The following COL19A1 variants were observed in gnomAD, a reference collection of about 807,000 sequenced individuals.
The protein encoded by COL19A1 is collagen type XIX alpha 1 chain, also known as collagen alpha-1(XIX) chain.
COL19A1 carries 159 observed loss-of-function variants against 190.2 expected under a neutral mutation model. The ratio of observed to expected loss-of-function variants is 0.84; its 90% CI spans 0.73 to 0.95. The LOEUF is 0.95. COL19A1 is among the 40% of genes least tolerant of loss of function. COL19A1 has a pLI of 0.00. For synonymous variants in COL19A1, 509 were observed against 458.9 expected (o/e 1.11, Z -1.39); for missense variants, 1,418 against 1,431.9 (o/e 0.99, Z 0.16).
intron 14 of COL19A1, 126 bp from the exon 15 acceptor site, chr6:70,068,297 G>A: frequency 4.2e-6 from 3 of 708,236 alleles, no homozygotes; most frequent in Admixed American, 2.1e-5. Flanking sequence ...GTTCAACCTT[G>A]AAAGAGCTCA....
Position 70,171,963 on chromosome 6 carries a change from G to C in COL19A1, c.2569-1G>C. On this transcript the variant is annotated splice_acceptor_variant, in intron 40 of 50. Coordinates refer to ENST00000620364, the MANE Select transcript of COL19A1 (RefSeq NM_001858.6). LOFTEE classifies it high-confidence loss of function. ...GCATTTCTTATGTTCATATTTAACA[G>C]GGAGAGCCTGGTGCAATGGGGTTGC... 6.2e-7 allele frequency: 1 copy of C among 1,612,720 alleles called. No homozygotes were observed. The highest frequency in any genetic ancestry group is 8.5e-7 in the Non-Finnish European group (1 of 1,179,390).
Position 70,035,949 on chromosome 6 carries a change from CTTGAAATCAAAATTCAAAA to C in COL19A1, c.1170+19_1170+37del. On this transcript the variant is annotated intron_variant, in intron 14 of 50. Coordinates refer to ENST00000620364, the MANE Select transcript of COL19A1 (RefSeq NM_001858.6). ...ACCACCAGCCTTACCTGTAAGTATT[CTTGAAATCAAAATTCAAAA>C]TTGAAATCCATTATTCTGTTTATTA... The C allele has an allele frequency of 6.2e-7, 1 of 1,612,270 alleles. No individual in the cohort carries two copies. The highest frequency in any genetic ancestry group is 8.5e-7 in the Non-Finnish European group (1 of 1,178,458).
chr6:70,141,630 G>A (rs1786255170), intron 20 of COL19A1, among the ~76,000 whole-genome samples: 1 of 152,064 alleles, frequency 6.6e-6, no homozygotes, highest in Admixed American at 6.6e-5. Context: ...AGAATGCAGT[G>A]ATTGCTAATG....
chr6:69,985,308 C>T (rs1776253624), intron 11 of COL19A1, among the ~76,000 whole-genome samples: 1 of 152,158 alleles, frequency 6.6e-6, no homozygotes, highest in African/African-American at 2.4e-5. Flanking sequence ...TTGAAAATGA[C>T]TAATGCCAAA....
chr6:70,144,212 A>G lies in COL19A1; in HGVS notation c.1629A>G (p.Gly543=). The G allele has an allele frequency of 6.2e-7, 1 of 1,612,124 alleles. No homozygotes were observed. The highest frequency in any genetic ancestry group is 1.1e-5 in the South Asian group (1 of 90,994). ...CCTATTAACTCTGAGTTTTCTAGGG[A>G]TTGCCAGGAGAACATGGTATCCCAG... The part of the protein sequence containing the change: ...MGPRGPPGDV[G]LPGEHGIPGK... Residue 543 remains glycine, a splice_region_variant and synonymous_variant, in exon 24 of 51, where the codon GGA becomes GGG. Coordinates refer to ENST00000620364, the MANE Select transcript of COL19A1 (RefSeq NM_001858.6).
chr6:70,036,731 G>C (rs1381017519), intron 14 of COL19A1, among the ~76,000 whole-genome samples: 2 of 152,032 alleles, frequency 1.3e-5, no homozygotes, highest in Non-Finnish European at 2.9e-5. Flanking sequence ...ATGTTACCTA[G>C]TGAGATAAAT....
intron 11 of COL19A1, among the ~76,000 whole-genome samples, chr6:70,007,050 C>T (rs78686701): frequency 0.11 from 16,048 of 152,040 alleles, 994 homozygotes; most frequent in East Asian, 0.29. Flanking sequence ...ATAGAAATAA[C>T]TAAATAACAA....
chr6:70,140,988 G>T lies in COL19A1; in HGVS notation c.1481G>T (p.Arg494Ile), dbSNP rs1468602608. 1 of 1,608,630 alleles carries T rather than the reference G, an allele frequency of 6.2e-7. No individual in the cohort carries two copies. Among genetic ancestry groups the T allele is most frequent in the Non-Finnish European group, 8.5e-7 (1 of 1,176,288 alleles). Reference sequence around the variant, plus strand: ...TTTACAAAAGGAGAAAAAGGAGATAGAGTAAGTAGATATTTTATCACTACC... The same window carrying T: ...TTTACAAAAGGAGAAAAAGGAGATATAGTAAGTAGATATTTTATCACTACC... ...EPFTKGEKGD[R>I]GEPGVIGSQG... is the part of the protein sequence containing the mutation. The change falls in exon 20 of 51, where the codon AGA (arginine) becomes ATA (isoleucine). Residue 494 changes from arginine to isoleucine, a missense_variant and splice_region_variant. Arg to Ile is a moderately conservative substitution (Grantham distance 97, BLOSUM62 -3). Coordinates refer to ENST00000620364, the MANE Select transcript of COL19A1 (RefSeq NM_001858.6).
intron 27 of COL19A1, among the ~76,000 whole-genome samples, chr6:70,149,311 T>A (rs1199164523): frequency 6.6e-6 from 1 of 152,154 alleles, no homozygotes; most frequent in Non-Finnish European, 1.5e-5. Context: ...GAACACTGTT[T>A]CTGGTGATTT....
chr6:69,940,916 C>A (rs1773426803), intron 9 of COL19A1, among the ~76,000 whole-genome samples: 1 of 152,138 alleles, frequency 6.6e-6, no homozygotes, highest in African/African-American at 2.4e-5. Context: ...TGTGATCTTG[C>A]AACTTTAATG....
intron 2 of COL19A1, among the ~76,000 whole-genome samples, chr6:69,895,839 T>C (rs1769693479): frequency 6.6e-6 from 1 of 152,238 alleles, no homozygotes; most frequent in Non-Finnish European, 1.5e-5. Context: ...TTTTTCATTG[T>C]ATATGCCACA....
intron 9 of COL19A1, among the ~76,000 whole-genome samples, chr6:69,939,154 G>T (rs576592189): frequency 6.6e-6 from 1 of 152,102 alleles, no homozygotes; most frequent in Admixed American, 6.6e-5. Context: ...AAAGATTTTT[G>T]AGGAGGGACA....
Position 70,156,529 on chromosome 6 carries a change from T to C in COL19A1, c.2239-141T>C, listed in dbSNP as rs3736843. On this transcript the variant is annotated intron_variant, in intron 33 of 50. Transcript: ENST00000620364. ...AGAGAGAGAGAAAGTGATGTAAAAG[T>C]CACTTGCAAATGTTGCCATTTATTT... 489,236 of 1,030,210 alleles carry C rather than the reference T, an allele frequency of 0.47. 120,829 individuals carry two copies. Among genetic ancestry groups the C allele is most frequent in the African/African-American group, 0.73 (44,917 of 61,362 alleles). The allele number at this position is 1,030,210 out of a possible 1,614,324, so 63.8% of individuals were successfully genotyped here.
chr6:69,870,974 A>G (rs1275558735), intron 1 of COL19A1, among the ~76,000 whole-genome samples: 5 of 152,212 alleles, frequency 3.3e-5, no homozygotes, highest in Non-Finnish European at 7.3e-5. Context: ...GAGTTCCTAA[A>G]TTAATGATGA....
intron 11 of COL19A1, among the ~76,000 whole-genome samples, chr6:69,978,581 CA>C (rs1434525874): frequency 6.6e-6 from 1 of 151,552 alleles, no homozygotes; most frequent in Non-Finnish European, 1.5e-5. Context: ...TGGACCATAT[CA>C]AAAGCTATAA....
chr6:70,146,749 A>C, intron 26 of COL19A1, 46 bp downstream of exon 26: 1 of 1,594,076 alleles, frequency 6.3e-7, no homozygotes, highest in Non-Finnish European at 8.5e-7. Context: ...ATAATTAACA[A>C]AATACAGCAG....
chr6:70,161,468 CTT>C (rs1787798537), intron 34 of COL19A1, among the ~76,000 whole-genome samples: 1 of 152,148 alleles, frequency 6.6e-6, no homozygotes, highest in South Asian at 2.1e-4. Flanking sequence ...CCTTCTTACT[CTT>C]TAAAACTGAG....
chr6:69,920,730 T>C (rs1422097318), intron 4 of COL19A1, among the ~76,000 whole-genome samples: 3 of 151,534 alleles, frequency 2.0e-5, no homozygotes, highest in East Asian at 3.9e-4. Flanking sequence ...AAGTAGACAA[T>C]TTAAAAAAAG....
chr6:70,051,838 C>A (rs1208636175), intron 14 of COL19A1, among the ~76,000 whole-genome samples: 1 of 152,004 alleles, frequency 6.6e-6, no homozygotes, highest in Admixed American at 6.6e-5. Flanking sequence ...GAGACTGTGA[C>A]CAAAACTATT....
Sources: gnomAD v4.1 joint callset for allele counts (sites outside exome capture counted in the v4.1 genomes callset) on GRCh38, gnomAD v4.1.1 for gene constraint, MANE v1.5 for transcripts, NCBI Gene and HGNC (gene_info 2026-07-23, HGNC 2026-07-21) for gene names.